Variants in SYNE2 observed in about 807,000 individuals in gnomAD.
SYNE2 encodes spectrin repeat containing nuclear envelope protein 2.
A neutral mutation model predicts 856.3 loss-of-function variants in SYNE2; 431 were observed. The ratio of observed to expected loss-of-function variants is 0.50; its 90% CI spans 0.47 to 0.55. The LOEUF is 0.55. Among genes scored for constraint, SYNE2 ranks in the 20% least tolerant of loss-of-function variants. The pLI, the probability that SYNE2 is intolerant of heterozygous loss-of-function variation, is 0.00. For missense variants in SYNE2, 8,129 were observed against 8,023.2 expected (o/e 1.01, Z -0.50); for synonymous variants, 2,923 against 2,872.3 (o/e 1.02, Z -0.56).
At chr14:63,883,381 A>G (rs2094909989) in intron 1 of SYNE2, among the ~76,000 whole-genome samples, 1 of 151,460 alleles carries the variant, frequency 6.6e-6, no homozygotes, top group Non-Finnish European at 1.5e-5. Context: ...TATTAAAGTC[A>G]GGGTCTCGCT....
chr14:63,928,276 T>A (rs553295558), intron 2 of SYNE2, among the ~76,000 whole-genome samples: 2 of 152,306 alleles, frequency 1.3e-5, no homozygotes. Context: ...AGTCTTGGAA[T>A]GCTGAAGTTG....
chr14:63,961,117 A>G lies in SYNE2; in HGVS notation c.788-408A>G, dbSNP rs112094615. Among the ~76,000 whole-genome samples the G allele has an allele frequency of 1.5e-3, 224 of 152,288 alleles. 2 individuals carry two copies. The South Asian group carries it at 0.015, about 10-fold the overall frequency. ...GCTTTACTGCACACATGCCAAGACC[A>G]ACATGTCAGGAATGCATTCTAATTG... On this transcript the variant is annotated intron_variant, in intron 8 of 115. Coordinates refer to ENST00000555002, the MANE Select transcript of SYNE2 (RefSeq NM_182914.3).
At chr14:63,799,877 C>T (rs777129891) in intron 1 of SYNE2, among the ~76,000 whole-genome samples, 13 of 152,106 alleles carry the variant, frequency 8.5e-5, no homozygotes, top group South Asian at 2.1e-4. Flanking sequence ...ATCTTTCTTT[C>T]GCTCTAATAG....
chr14:63,964,821 G>T (rs1228919337), intron 10 of SYNE2, among the ~76,000 whole-genome samples: 1 of 152,002 alleles, frequency 6.6e-6, no homozygotes, highest in Non-Finnish European at 1.5e-5. Context: ...ACAGTGCCCG[G>T]CCCCAGAACA....
chr14:64,034,669 G>T, intron 45 of SYNE2: 1 of 447,388 alleles, frequency 2.2e-6, no homozygotes, highest in Non-Finnish European at 4.0e-6. Context: ...AGAAACAAAA[G>T]AAGTTGCAAA....
At chr14:64,078,345 C>T in intron 54 of SYNE2, 121 bp from the exon 55 acceptor site, 1 of 1,233,078 alleles carries the variant, frequency 8.1e-7, no homozygotes, top group Non-Finnish European at 1.2e-6. Context: ...GAATTTCTTC[C>T]CCCAGCCCTT....
intron 38 of SYNE2, chr14:64,023,702 TTACTTTAA>T (rs1431004777): frequency 3.5e-5 from 6 of 171,660 alleles, no homozygotes; most frequent in Non-Finnish European, 5.9e-5. Flanking sequence ...AGACTATCTA[TTACTTTAA>T]TGTTTTGATG....
intron 99 of SYNE2, among the ~76,000 whole-genome samples, chr14:64,193,234 G>T (rs2098526093): frequency 6.6e-6 from 1 of 152,196 alleles, no homozygotes; most frequent in African/African-American, 2.4e-5. Context: ...GGCCCTGTGG[G>T]CAGGGAACAG....
chr14:63,879,533 A>G (rs913566594), intron 1 of SYNE2, among the ~76,000 whole-genome samples: 5 of 152,210 alleles, frequency 3.3e-5, no homozygotes, highest in African/African-American at 1.2e-4. Context: ...TGGCTGGTGT[A>G]TCCTATGAAG....
At chr14:64,013,152 G>A (rs1373494397) in intron 32 of SYNE2, among the ~76,000 whole-genome samples, 1 of 152,156 alleles carries the variant, frequency 6.6e-6, no homozygotes, top group Non-Finnish European at 1.5e-5. Flanking sequence ...AATGCTAAAA[G>A]TATACTCTCT....
At chr14:64,192,629 G>A (rs2098523538) in intron 99 of SYNE2, among the ~76,000 whole-genome samples, 2 of 152,114 alleles carry the variant, frequency 1.3e-5, no homozygotes. Context: ...TTTTATGTGT[G>A]ATTTCACTTA....
At chr14:63,931,549 CA>C (rs564187169) in intron 2 of SYNE2, among the ~76,000 whole-genome samples, 13,778 of 88,602 alleles carry the variant, frequency 0.16, 685 homozygotes, top group Middle Eastern at 0.26. Flanking sequence ...GACTCTGTCT[CA>C]AAAAAAAAAA....
chr14:64,220,183 C>T (rs1398944790), intron 110 of SYNE2, among the ~76,000 whole-genome samples: 3 of 152,290 alleles, frequency 2.0e-5, no homozygotes, highest in African/African-American at 4.8e-5. Flanking sequence ...AGTTGCAGAG[C>T]GGGGCCTGTA....
At chr14:64,098,249 T>C (rs993429541) in intron 62 of SYNE2, 103 bp downstream of exon 62, 2 of 1,267,326 alleles carry the variant, frequency 1.6e-6, no homozygotes, top group African/African-American at 2.9e-5. Flanking sequence ...CTATGGCCTG[T>C]AGTAAAGGAA....
rs1450518013 is a variant in SYNE2 at position 64,202,217 on chromosome 14, A to G, written c.18039-584A>G. On this transcript the variant is annotated intron_variant, in intron 99 of 115. Coordinates refer to ENST00000555002, the MANE Select transcript of SYNE2 (RefSeq NM_182914.3). ...CAGAGATGCCCCATAATCTACCCGC[A>G]TGGGCTGGTTCAATGTATACGGCTG... 4 of 702,298 alleles carry G rather than the reference A, an allele frequency of 5.7e-6. No individual in the cohort carries two copies. The Admixed American group carries it at 6.0e-5, about 11-fold the overall frequency. 43.5% of individuals were successfully genotyped at this position (702,298 alleles called of 1,614,324 possible).
Position 64,065,588 on chromosome 14 carries a change from G to A in SYNE2, c.10369G>A (p.Ala3457Thr), listed in dbSNP as rs751013655. The change falls in exon 51 of 116, where the codon GCT becomes ACT. Residue 3457 changes from alanine to threonine, a missense_variant. Ala to Thr is a moderately conservative substitution (Grantham distance 58). Coordinates refer to ENST00000555002, the MANE Select transcript of SYNE2 (RefSeq NM_182914.3). The part of the protein sequence containing the change: ...WEKWLSLLEA[A>T]KEWEMWCEEL... ...GAAATGGCTGAGTTTGCTGGAAGCT[G>A]CTAAAGAGTGGGAGATGTGGTGCGA... The A allele has an allele frequency of 2.5e-6, 4 of 1,614,200 alleles. No individual in the cohort carries two copies. Among genetic ancestry groups the A allele is most frequent in the Non-Finnish European group, 3.4e-6 (4 of 1,180,030 alleles).
intron 78 of SYNE2, 82 bp downstream of exon 78, chr14:64,134,282 T>A: frequency 7.0e-7 from 1 of 1,432,290 alleles, no homozygotes; most frequent in Non-Finnish European, 9.8e-7. Flanking sequence ...GTGGCTTGAT[T>A]TGGAAGGTTT....
intron 1 of SYNE2, among the ~76,000 whole-genome samples, chr14:63,869,316 A>T (rs1043604053): frequency 6.6e-6 from 1 of 152,082 alleles, no homozygotes; most frequent in Admixed American, 6.5e-5. Context: ...CTGAGCCCCT[A>T]CTTTTTCATC....
chr14:63,982,519 C>CAAAAAA (rs71444636), intron 16 of SYNE2, 111 bp from the exon 17 acceptor site: 13 of 716,372 alleles, frequency 1.8e-5, no homozygotes, highest in African/African-American at 6.5e-5. Flanking sequence ...GACTCCATCT[C>CAAAAAA]AAAAAAAAAA....
Sources: gnomAD v4.1 joint callset for allele counts (sites outside exome capture counted in the v4.1 genomes callset) on GRCh38, gnomAD v4.1.1 for gene constraint, MANE v1.5 for transcripts, NCBI Gene and HGNC (gene_info 2026-07-23, HGNC 2026-07-21) for gene names.